Variants in DLGAP3 observed in about 807,000 individuals in gnomAD.
DLGAP3 encodes the protein disks large-associated protein 3.
DLGAP3 carries 17 observed loss-of-function variants against 81.2 expected under a neutral mutation model. The observed-to-expected ratio is 0.21, with a 90% confidence interval of 0.14 to 0.31. The LOEUF (loss-of-function observed/expected upper bound fraction) is 0.31, where lower values mean the gene tolerates loss of function less well. Among genes scored for constraint, DLGAP3 ranks in the 10% least tolerant of loss-of-function variants. The pLI is 1.00. For synonymous variants in DLGAP3, 577 were observed against 587.4 expected (o/e 0.98, Z 0.26); for missense variants, 1,124 against 1,388.0 (o/e 0.81, Z 3.02).
In DLGAP3 at chr1:34,885,675, C is replaced by T; in HGVS notation, c.1717G>A (p.Glu573Lys). ...GAGCTGCAGCGCCGGGCGGGGCCCT[C>T]GGCCGCCGTGAAGCTCTCGTGCGCG... The part of the protein sequence containing the change: ...DSAHESFTAA[E>K]GPARRCSSAD... Residue 573 changes from glutamate (E) to lysine (K), a missense_variant, in exon 7 of 12, where the codon GAG (glutamate) becomes AAG (lysine). Around this residue, in one of 9 missense-constraint regions of DLGAP3, gnomAD observed 379 missense variants for 455.7 expected, o/e 0.83. Transcript: ENST00000373347. The T allele has an allele frequency of 1.4e-6, 2 of 1,406,844 alleles. No homozygotes were observed. The highest frequency in any genetic ancestry group is 6.8e-5 in the Admixed American group (2 of 29,490). 87.1% of individuals were successfully genotyped at this position (1,406,844 alleles called of 1,614,324 possible).
chr1:34,918,259 C>T (rs1012027157), intron 1 of DLGAP3, among the ~76,000 whole-genome samples: 3 of 152,062 alleles, frequency 2.0e-5, no homozygotes, highest in African/African-American at 7.3e-5. Context: ...AGGCAGAATC[C>T]TCCTTCCACC....
At chr1:34,898,801 T>G (rs1168180767) in intron 5 of DLGAP3, among the ~76,000 whole-genome samples, 4 of 152,228 alleles carry the variant, frequency 2.6e-5, no homozygotes, top group Non-Finnish European at 5.9e-5. Flanking sequence ...TTCCGTCTAA[T>G]TAAGGGGAAA....
chr1:34,886,207 C>A lies in DLGAP3; in HGVS notation c.1465G>T (p.Ala489Ser). The A allele has an allele frequency of 6.2e-7, 1 of 1,611,290 alleles. No homozygotes were observed. The highest frequency in any genetic ancestry group is 8.5e-7 in the Non-Finnish European group (1 of 1,179,294). ...CGGAAACAGCCGGGCAGGTCCAGGGCGTCCACGGCCTGGGACTCCAGCTCC... is the reference window on the plus strand; with the variant it reads ...CGGAAACAGCCGGGCAGGTCCAGGGAGTCCACGGCCTGGGACTCCAGCTCC... The part of the protein sequence containing the change: ...FGELESQAVD[A>S]LDLPGCFRMR... Residue 489 changes from alanine to serine, a missense_variant, in exon 6 of 12, where the codon GCC (alanine) becomes TCC (serine). Physicochemically the swap from Ala to Ser is moderately conservative, Grantham distance 99. Coordinates refer to ENST00000373347, the MANE Select transcript of DLGAP3 (RefSeq NM_001080418.3).
chr1:34,896,915 A>G (rs564142070), intron 5 of DLGAP3, among the ~76,000 whole-genome samples: 49 of 152,192 alleles, frequency 3.2e-4, no homozygotes, highest in Non-Finnish European at 5.9e-4. Flanking sequence ...TCATCACACT[A>G]CCCTAGGTTT....
intron 1 of DLGAP3, among the ~76,000 whole-genome samples, chr1:34,924,087 T>A (rs534543453): frequency 1.7e-4 from 26 of 152,262 alleles, no homozygotes; most frequent in Non-Finnish European, 3.4e-4. Flanking sequence ...CCCCCTGGGA[T>A]GACAAGGGAA....
intron 3 of DLGAP3, among the ~76,000 whole-genome samples, chr1:34,903,135 C>G (rs1639487828): frequency 6.6e-6 from 1 of 152,218 alleles, no homozygotes; most frequent in Non-Finnish European, 1.5e-5. Context: ...TTTGAACATG[C>G]TGTATAGTCT....
intron 1 of DLGAP3, among the ~76,000 whole-genome samples, chr1:34,922,609 G>C (rs1040614187): frequency 1.3e-5 from 2 of 151,954 alleles, no homozygotes; most frequent in Admixed American, 6.6e-5. Flanking sequence ...TGCATACATA[G>C]AGTCATATAT....
At position 34,904,214 on chromosome 1, in the gene DLGAP3, T is replaced by C; in HGVS notation, c.1107+63A>G. On this transcript the variant is annotated intron_variant, in intron 3 of 11. Coordinates refer to ENST00000373347, the MANE Select transcript of DLGAP3 (RefSeq NM_001080418.3). This position sits in a 1 kb window ranked among gnomAD's most constrained non-coding sequence, Gnocchi z 8.1. ...GCTCCCACCCAACCCTTTCCACTGC[T>C]CCCTAGTTGACAAGACTGGTGAAGG... 6.3e-7 allele frequency: 1 copy of C among 1,590,016 alleles called. No homozygotes were observed. Among genetic ancestry groups the C allele is most frequent in the Admixed American group, 1.7e-5 (1 of 60,012 alleles).
chr1:34,896,694 A>G (rs1319130446), intron 5 of DLGAP3, among the ~76,000 whole-genome samples: 1 of 152,202 alleles, frequency 6.6e-6, no homozygotes, highest in Non-Finnish European at 1.5e-5. Context: ...CGTTAAGTCA[A>G]ATATGCATAT....
At chr1:34,866,405 C>A in intron 11 of DLGAP3, 104 bp from the exon 12 acceptor site, 1 of 959,962 alleles carries the variant, frequency 1.0e-6, no homozygotes, top group Non-Finnish European at 1.5e-6. Context: ...CCGCGTGGCT[C>A]CGAACGCGAT....
At chr1:34,907,781 A>G (rs894309529) in intron 1 of DLGAP3, among the ~76,000 whole-genome samples, 27 of 152,170 alleles carry the variant, frequency 1.8e-4, no homozygotes, top group Non-Finnish European at 1.0e-4. Flanking sequence ...CATAAGCAAG[A>G]GAGTGAGAAG....
At chr1:34,911,381 T>A (rs563935967) in intron 1 of DLGAP3, among the ~76,000 whole-genome samples, 1 of 152,300 alleles carries the variant, frequency 6.6e-6, no homozygotes, top group East Asian at 1.9e-4. Context: ...CAGATTAGTA[T>A]AGAATAAAGG....
chr1:34,883,368 C>T (rs1174475315), intron 8 of DLGAP3, among the ~76,000 whole-genome samples: 5 of 152,220 alleles, frequency 3.3e-5, no homozygotes, highest in Non-Finnish European at 5.9e-5. Flanking sequence ...CTGCAGCACT[C>T]TTCCCAGGAT....
intron 1 of DLGAP3, among the ~76,000 whole-genome samples, chr1:34,921,821 G>T (rs553381456): frequency 6.6e-6 from 1 of 152,318 alleles, no homozygotes; most frequent in African/African-American, 2.4e-5. Context: ...ACAAGTATAC[G>T]TGTTAGCATG....
chr1:34,927,453 T>C (rs1197181450), intron 1 of DLGAP3, among the ~76,000 whole-genome samples: 2 of 152,210 alleles, frequency 1.3e-5, no homozygotes, highest in South Asian at 2.1e-4. Flanking sequence ...GCCATCATTC[T>C]ACAGCTACAT....
chr1:34,926,138 A>T (rs1384085182), intron 1 of DLGAP3, among the ~76,000 whole-genome samples: 1 of 152,196 alleles, frequency 6.6e-6, no homozygotes, highest in Non-Finnish European at 1.5e-5. Flanking sequence ...ATGTAACCAT[A>T]TGTGTAAACC....
intron 5 of DLGAP3, among the ~76,000 whole-genome samples, chr1:34,886,665 C>G (rs1639236544): frequency 1.3e-5 from 2 of 152,108 alleles, no homozygotes; most frequent in Non-Finnish European, 2.9e-5. Context: ...GACCAGGGAC[C>G]TGGCATGCAC....
chr1:34,910,541 C>T (rs1639624830), intron 1 of DLGAP3, among the ~76,000 whole-genome samples: 1 of 152,210 alleles, frequency 6.6e-6, no homozygotes, highest in African/African-American at 2.4e-5. Context: ...AACATGCTCC[C>T]CTTGCTTTCT....
At chr1:34,887,538 A>T (rs1265987192) in intron 5 of DLGAP3, among the ~76,000 whole-genome samples, 1 of 152,202 alleles carries the variant, frequency 6.6e-6, no homozygotes, top group Non-Finnish European at 1.5e-5. Context: ...ACAAGAGAGA[A>T]CTGGTGCAAA....
Sources: allele counts gnomAD v4.1 joint callset (sites outside exome capture counted in the v4.1 genomes callset), GRCh38; gene constraint gnomAD v4.1.1; regional missense constraint gnomAD v4.1.1; non-coding constraint Gnocchi (gnomAD v3.1); transcripts MANE v1.5; gene names NCBI Gene and HGNC (gene_info 2026-07-23, HGNC 2026-07-21).